The following CLDN16 variants were observed in gnomAD, a reference collection of about 807,000 sequenced individuals.
CLDN16 encodes claudin-16.
Under a neutral mutation model 24.6 loss-of-function variants are expected in CLDN16, and 13 were observed. The observed-to-expected ratio is 0.53, with a 90% CI of 0.34 to 0.84. The LOEUF (loss-of-function observed/expected upper bound fraction) is 0.84. Ranked by LOEUF, CLDN16 falls within the 40% of genes least tolerant of loss-of-function variation. The pLI, the probability that CLDN16 is intolerant of heterozygous loss-of-function variation, is 0.01. For synonymous variants in CLDN16, 116 were observed against 106.7 expected, an observed-to-expected ratio of 1.09 and a Z score of -0.54; for missense variants, 298 against 292.7, an observed-to-expected ratio of 1.02 and a Z score of -0.13.
intron 1 of CLDN16, among the ~76,000 whole-genome samples, chr3:190,393,206 G>A (rs1434598555): frequency 6.6e-6 from 1 of 152,186 alleles, no homozygotes; most frequent in African/African-American, 2.4e-5. Context: ...TACTCACCAA[G>A]AGTTTAAATG....
chr3:190,323,983 TAGGTCTC>T (rs1342646036), intron 1 of CLDN16, among the ~76,000 whole-genome samples: 2 of 152,142 alleles, frequency 1.3e-5, no homozygotes, highest in African/African-American at 4.8e-5. Context: ...TACTACTGTC[TAGGTCTC>T]AGTGGATGTT....
intron 1 of CLDN16, among the ~76,000 whole-genome samples, chr3:190,339,266 C>T (rs769086373): frequency 6.6e-6 from 1 of 152,232 alleles, no homozygotes; most frequent in Non-Finnish European, 1.5e-5. Context: ...TACTCTGCTT[C>T]TAGGCTTCTG....
At chr3:190,299,539 A>G in the CLDN16 span, among the ~76,000 whole-genome samples, 1 of 149,360 alleles carries the variant, frequency 6.7e-6, no homozygotes, top group Non-Finnish European at 1.5e-5. Flanking sequence ...ATTCTTCTGT[A>G]TTTTTTCTGA....
chr3:190,329,867 G>C (rs1458843835), intron 1 of CLDN16, among the ~76,000 whole-genome samples: 1 of 152,066 alleles, frequency 6.6e-6, no homozygotes, highest in Non-Finnish European at 1.5e-5. Flanking sequence ...AAGGATGTTA[G>C]TATTATCTAG....
chr3:190,410,649 A>T lies in CLDN16; in HGVS notation c.*613A>T, dbSNP rs1348257306. 1 of 152,412 alleles carries T rather than the reference A, an allele frequency of 6.6e-6. No individual in the cohort carries two copies. Among genetic ancestry groups the T allele is most frequent in the Non-Finnish European group, 1.5e-5 (1 of 68,412 alleles). 9.4% of individuals were successfully genotyped at this position (152,412 alleles called of 1,614,324 possible). A position where few individuals can be genotyped will look rare whatever the true frequency, so the allele number is the denominator to read the frequency against. ...CCCCCCACCCCCAAATGTCAAAGGC[A>T]AATGCTAAATTGATACTGGAGCTCG... On this transcript the variant is annotated 3_prime_UTR_variant, in exon 5 of 5. Coordinates refer to ENST00000264734, the MANE Select transcript of CLDN16 (RefSeq NM_006580.4).
At chr3:190,326,287 T>C (rs1187320306) in intron 1 of CLDN16, among the ~76,000 whole-genome samples, 1 of 152,224 alleles carries the variant, frequency 6.6e-6, no homozygotes, top group Non-Finnish European at 1.5e-5. Flanking sequence ...CATTTGCAAA[T>C]GATCCTCATG....
chr3:190,336,555 G>C (rs976040433), intron 1 of CLDN16, among the ~76,000 whole-genome samples: 3 of 152,242 alleles, frequency 2.0e-5, no homozygotes, highest in South Asian at 2.1e-4. Context: ...TTTTCAGTGA[G>C]GCCCTGAGCA....
chr3:190,312,742 C>T, the CLDN16 span: 1 of 978,868 alleles, frequency 1.0e-6, no homozygotes, highest in Non-Finnish European at 1.6e-6. Context: ...TGAAAGTCAA[C>T]TGGACTTCAG....
intron 1 of CLDN16, among the ~76,000 whole-genome samples, chr3:190,328,080 G>A (rs898107061): frequency 6.6e-5 from 10 of 150,628 alleles, no homozygotes; most frequent in African/African-American, 1.2e-4. Flanking sequence ...GCAGGAGCTC[G>A]AGACTAGCCT....
At chr3:190,323,439 G>T (rs773594379) in intron 1 of CLDN16, among the ~76,000 whole-genome samples, 1 of 152,138 alleles carries the variant, frequency 6.6e-6, no homozygotes, top group Non-Finnish European at 1.5e-5. Flanking sequence ...TTTCGGTCTC[G>T]CTGGGACTGT....
At chr3:190,346,668 C>T (rs1171251304) in intron 1 of CLDN16, among the ~76,000 whole-genome samples, 2 of 152,096 alleles carry the variant, frequency 1.3e-5, no homozygotes, top group African/African-American at 4.8e-5. Flanking sequence ...ATCAGGATAC[C>T]AGTAAGGTCA....
At chr3:190,332,468 T>C (rs893795512) in intron 1 of CLDN16, among the ~76,000 whole-genome samples, 1 of 152,178 alleles carries the variant, frequency 6.6e-6, no homozygotes, top group Non-Finnish European at 1.5e-5. Flanking sequence ...GTGGGATAAA[T>C]GAAGACATGG....
At chr3:190,372,639 G>A (rs1306200075) in intron 2 of CLDN16, among the ~76,000 whole-genome samples, 1 of 151,812 alleles carries the variant, frequency 6.6e-6, no homozygotes, top group African/African-American at 2.4e-5. Context: ...GCAAGACTAG[G>A]CCTCTAACTA....
intron 1 of CLDN16, among the ~76,000 whole-genome samples, chr3:190,388,949 C>A (rs1289801410): frequency 6.6e-6 from 1 of 152,086 alleles, no homozygotes; most frequent in African/African-American, 2.4e-5. Context: ...AAAACATTAT[C>A]TTAATGATTT....
chr3:190,328,071 C>T (rs1717105796), intron 1 of CLDN16, among the ~76,000 whole-genome samples: 1 of 151,276 alleles, frequency 6.6e-6, no homozygotes, highest in Admixed American at 6.6e-5. Flanking sequence ...TACTTGATTG[C>T]AGGAGCTCGA....
At chr3:190,322,809 A>G (rs1326403238) in intron 1 of CLDN16, 1 of 154,330 alleles carries the variant, frequency 6.5e-6, no homozygotes, top group Non-Finnish European at 1.4e-5. Context: ...ATATCTTATT[A>G]AAAGGCATTT....
chr3:190,297,731 G>GAT, the CLDN16 span, among the ~76,000 whole-genome samples: 111 of 136,732 alleles, frequency 8.1e-4, no homozygotes, highest in African/African-American at 1.4e-3. Flanking sequence ...TTATTTTTCA[G>GAT]ATATATATAT....
At chr3:190,328,153 C>T (rs1449221891) in intron 1 of CLDN16, among the ~76,000 whole-genome samples, 1 of 151,194 alleles carries the variant, frequency 6.6e-6, no homozygotes, top group Admixed American at 6.6e-5. Context: ...GGGTGGCATG[C>T]ACCTATAGTC....
At chr3:190,376,129 A>G (rs114548499) in intron 3 of CLDN16, among the ~76,000 whole-genome samples, 6,483 of 151,964 alleles carry the variant, frequency 0.043, 203 homozygotes, top group Non-Finnish European at 0.064. Flanking sequence ...CACATCATTG[A>G]CTTCAGAATA....
Sources: allele counts gnomAD v4.1 joint callset (sites outside exome capture counted in the v4.1 genomes callset), GRCh38; gene constraint gnomAD v4.1.1; transcripts MANE v1.5; gene names NCBI Gene and HGNC (gene_info 2026-07-23, HGNC 2026-07-21).